Variants in CORO2A observed in about 807,000 individuals in gnomAD.
CORO2A encodes the protein coronin 2A.
CORO2A carries 47 observed loss-of-function variants against 62.4 expected under a neutral mutation model. The observed-to-expected ratio is 0.75, with a 90% CI of 0.60 to 0.96. The LOEUF (loss-of-function observed/expected upper bound fraction) is 0.96. Among genes scored for constraint, CORO2A ranks in the 40% least tolerant of loss-of-function variants. The probability of loss-of-function intolerance (pLI) is 0.00; values close to 1 mark genes in which losing one functional copy is unlikely to be tolerated. For missense variants in CORO2A, 610 were observed against 684.1 expected, an observed-to-expected ratio of 0.89 and a Z score of 1.21; for synonymous variants, 273 against 268.9, an observed-to-expected ratio of 1.02 and a Z score of -0.15.
chr9:98,148,968 T>C (rs1222964833), intron 2 of CORO2A, among the ~76,000 whole-genome samples: 2 of 152,160 alleles, frequency 1.3e-5, no homozygotes, highest in Admixed American at 6.6e-5. Context: ...GAGAGCAGGT[T>C]AATTGTCATC....
At chr9:98,145,940 G>A (rs1827639052) in intron 2 of CORO2A, among the ~76,000 whole-genome samples, 1 of 152,170 alleles carries the variant, frequency 6.6e-6, no homozygotes, top group African/African-American at 2.4e-5. Flanking sequence ...TCGAATGCCT[G>A]ACCTCAAGTG....
intron 2 of CORO2A, among the ~76,000 whole-genome samples, chr9:98,143,301 A>G (rs918786233): frequency 6.6e-6 from 1 of 152,180 alleles, no homozygotes; most frequent in Non-Finnish European, 1.5e-5. Flanking sequence ...CCAGAAAGGG[A>G]GAGGTTGTGA....
intron 2 of CORO2A, among the ~76,000 whole-genome samples, chr9:98,153,708 C>T (rs1384442730): frequency 2.1e-5 from 3 of 144,110 alleles, no homozygotes; most frequent in African/African-American, 7.9e-5. Flanking sequence ...ACACACACCC[C>T]GAGAGGCAAA....
chr9:98,147,701 T>C (rs550153489), intron 2 of CORO2A, among the ~76,000 whole-genome samples: 17 of 152,150 alleles, frequency 1.1e-4, no homozygotes, highest in Non-Finnish European at 2.5e-4. Context: ...CACTAAAAAT[T>C]TGTAAAAATA....
At chr9:98,126,438 A>T in intron 11 of CORO2A, 111 bp downstream of exon 11, 1 of 1,375,656 alleles carries the variant, frequency 7.3e-7, no homozygotes, top group South Asian at 1.4e-5. Context: ...GCCAGGCCAC[A>T]CAGCTGGTTA....
At chr9:98,191,974 A>G (rs1588019656) in intron 1 of CORO2A, among the ~76,000 whole-genome samples, 1 of 152,142 alleles carries the variant, frequency 6.6e-6, no homozygotes, top group Admixed American at 6.5e-5. Flanking sequence ...GAGTCCAGCC[A>G]CCTCCAACCT....
At chr9:98,125,063 C>T (rs1169128425) in intron 11 of CORO2A, among the ~76,000 whole-genome samples, 158 bp from the exon 12 acceptor site, 1 of 152,182 alleles carries the variant, frequency 6.6e-6, no homozygotes, top group Non-Finnish European at 1.5e-5. Flanking sequence ...TTACAAACAC[C>T]TTGTTTACTT....
chr9:98,137,457 C>A, intron 3 of CORO2A, 115 bp downstream of exon 3: 1 of 827,822 alleles, frequency 1.2e-6, no homozygotes, highest in Non-Finnish European at 2.1e-6. Context: ...CACACAGTGA[C>A]CTCACCTCCG....
chr9:98,127,860 GGGGTGGGGA>G (rs1827348989), intron 10 of CORO2A, among the ~76,000 whole-genome samples: 3 of 151,576 alleles, frequency 2.0e-5, no homozygotes, highest in Admixed American at 1.3e-4. Flanking sequence ...TGCAGAGGTA[GGGGTGGGGA>G]ACAGGGACAG....
At chr9:98,165,248 C>T (rs1330431032) in intron 1 of CORO2A, among the ~76,000 whole-genome samples, 2 of 152,170 alleles carry the variant, frequency 1.3e-5, no homozygotes, top group East Asian at 1.9e-4. Context: ...CGTGAGCCAC[C>T]GTGCCTGGCT....
At chr9:98,181,424 T>C (rs1828176266) in intron 1 of CORO2A, among the ~76,000 whole-genome samples, 1 of 151,226 alleles carries the variant, frequency 6.6e-6, no homozygotes, top group South Asian at 2.1e-4. Context: ...AATCCTCATG[T>C]CTCAGTCTCC....
chr9:98,177,890 C>T (rs1238549661), intron 1 of CORO2A, among the ~76,000 whole-genome samples: 1 of 152,014 alleles, frequency 6.6e-6, no homozygotes, highest in Non-Finnish European at 1.5e-5. Flanking sequence ...TCAAAGTGTC[C>T]CCTAACATAA....
intron 1 of CORO2A, 56 bp downstream of exon 1, chr9:98,192,503 G>C (rs1188963465): frequency 6.6e-6 from 1 of 151,766 alleles, no homozygotes; most frequent in African/African-American, 2.4e-5. Flanking sequence ...CGTCCCGCCC[G>C]ACGCCCCCAT....
intron 2 of CORO2A, among the ~76,000 whole-genome samples, chr9:98,152,985 A>T (rs1827747526): frequency 6.6e-6 from 1 of 152,234 alleles, no homozygotes; most frequent in South Asian, 2.1e-4. Flanking sequence ...TATAATTAGC[A>T]TTGAATCAAT....
intron 2 of CORO2A, among the ~76,000 whole-genome samples, chr9:98,155,517 T>C (rs889260482): frequency 2.6e-5 from 4 of 151,988 alleles, no homozygotes; most frequent in African/African-American, 9.7e-5. Context: ...TGGCTAATTT[T>C]TGTATTTTTA....
intron 1 of CORO2A, among the ~76,000 whole-genome samples, chr9:98,177,211 C>T (rs1235555856): frequency 6.6e-6 from 1 of 152,158 alleles, no homozygotes; most frequent in Non-Finnish European, 1.5e-5. Flanking sequence ...CAGCAGCCCC[C>T]ACGATGTGAG....
intron 1 of CORO2A, among the ~76,000 whole-genome samples, chr9:98,185,277 A>AT (rs1161172589): frequency 2.0e-5 from 3 of 152,190 alleles, no homozygotes; most frequent in Non-Finnish European, 1.5e-5. Context: ...CACGGCTGTG[A>AT]TGGGTCTAGC....
In CORO2A at chr9:98,128,630, T is replaced by C. The variant is rs745399135; in HGVS notation, c.1057A>G (p.Ile353Val). Reference protein sequence around the residue: ...LITTKSLIEPISMIVPRRSES... With the variant: ...LITTKSLIEPVSMIVPRRSES... ...ACCCGCCGGGGCACAATCATGGAGA[T>C]GGGCTCGATGAGGCTTTTGGTTGTG... The change falls in exon 9 of 12, where the codon ATC (isoleucine) becomes GTC (valine). Residue 353 changes from isoleucine to valine, a missense_variant. Coordinates refer to ENST00000375077, the MANE Select transcript of CORO2A (RefSeq NM_052820.4). 3 of 1,614,144 alleles carry C rather than the reference T, an allele frequency of 1.9e-6. No homozygotes were observed. Among genetic ancestry groups the C allele is most frequent in the South Asian group, 2.2e-5 (2 of 91,084 alleles).
At chr9:98,185,566 C>T (rs1047032387) in intron 1 of CORO2A, among the ~76,000 whole-genome samples, 7 of 152,180 alleles carry the variant, frequency 4.6e-5, no homozygotes, top group African/African-American at 1.7e-4. Context: ...ATTTCTCAGG[C>T]AGGTCTACCT....
Sources: gnomAD v4.1 joint callset for allele counts (sites outside exome capture counted in the v4.1 genomes callset) on GRCh38, gnomAD v4.1.1 for gene constraint, MANE v1.5 for transcripts, NCBI Gene and HGNC (gene_info 2026-07-23, HGNC 2026-07-21) for gene names.